CALN1: variants seen among roughly 807,000 people sequenced by gnomAD.
CALN1 encodes calneuron 1, also known as calcium-binding protein 8.
Under a neutral mutation model 30.6 loss-of-function variants are expected in CALN1, and 17 were observed. The ratio of observed to expected loss-of-function variants is 0.56; its 90% CI spans 0.38 to 0.83. CALN1 has a LOEUF of 0.83. Ranked by LOEUF, CALN1 falls within the 40% of genes least tolerant of loss-of-function variation. The pLI is 0.00. For missense variants in CALN1, 291 were observed against 354.9 expected (o/e 0.82, Z 1.45); for synonymous variants, 156 against 131.4 (o/e 1.19, Z -1.28).
chr7:72,286,872 A>T (rs1798115606), intron 2 of CALN1, among the ~76,000 whole-genome samples: 1 of 152,240 alleles, frequency 6.6e-6, no homozygotes, highest in Non-Finnish European at 1.5e-5. Flanking sequence ...AATTTTACAA[A>T]CTTTAACAAG....
upstream of CALN1, chr7:72,447,072 G>A (rs970411131): frequency 6.5e-6 from 1 of 154,904 alleles, no homozygotes; most frequent in African/African-American, 2.4e-5. Context: ...AATTCTCCAA[G>A]ATCCATGGCT....
intron 4 of CALN1, among the ~76,000 whole-genome samples, chr7:72,057,515 G>T (rs946646455): frequency 1.3e-5 from 2 of 149,730 alleles, no homozygotes; most frequent in East Asian, 4.0e-4. Context: ...AGTGAGAAAT[G>T]GAAAAGAATA....
intron 2 of CALN1, among the ~76,000 whole-genome samples, chr7:72,378,215 A>T (rs533810016): frequency 1.3e-5 from 2 of 152,260 alleles, no homozygotes; most frequent in East Asian, 3.9e-4. Context: ...GACAAGCTAA[A>T]ACAAATACTT....
chr7:71,943,493 C>A (rs1796241956), intron 5 of CALN1, among the ~76,000 whole-genome samples: 1 of 152,098 alleles, frequency 6.6e-6, no homozygotes, highest in Admixed American at 6.6e-5. Context: ...CAGGCTGGAG[C>A]ACAGTGGCAC....
intron 5 of CALN1, among the ~76,000 whole-genome samples, chr7:71,888,266 C>T (rs116593187): frequency 0.022 from 3,295 of 151,508 alleles, 128 homozygotes; most frequent in African/African-American, 0.075. Flanking sequence ...GAAAAACCAA[C>T]GGGCTGCTAA....
chr7:71,799,421 TTTTA>T (rs57965086), intron 6 of CALN1, among the ~76,000 whole-genome samples: 81,912 of 144,326 alleles, frequency 0.57, 26,650 homozygotes, highest in Non-Finnish European at 0.71. Context: ...CTCTGGGTCT[TTTTA>T]TTTATTTATT....
chr7:71,829,494 G>A (rs1427025092), intron 5 of CALN1, among the ~76,000 whole-genome samples: 1 of 152,206 alleles, frequency 6.6e-6, no homozygotes, highest in Non-Finnish European at 1.5e-5. Flanking sequence ...GAGCAACAGG[G>A]AATGAATAGA....
chr7:72,152,441 C>T (rs943278113), intron 3 of CALN1, among the ~76,000 whole-genome samples: 2 of 152,092 alleles, frequency 1.3e-5, no homozygotes, highest in African/African-American at 2.4e-5. Context: ...TTGCATGGTG[C>T]GAGAGAGCAA....
At chr7:72,421,221 C>T (rs1166872429) in intron 1 of CALN1, among the ~76,000 whole-genome samples, 3 of 152,156 alleles carry the variant, frequency 2.0e-5, no homozygotes, top group African/African-American at 7.2e-5. Context: ...GCACCCATCA[C>T]ATACTGTACC....
At chr7:71,922,606 AAC>A (rs1337901988) in intron 5 of CALN1, among the ~76,000 whole-genome samples, 3 of 141,060 alleles carry the variant, frequency 2.1e-5, no homozygotes, top group Non-Finnish European at 3.0e-5. Flanking sequence ...ATAAATATAT[AAC>A]ACACAGAATA....
At chr7:72,198,294 T>A (rs1224917098) in intron 3 of CALN1, among the ~76,000 whole-genome samples, 1 of 152,234 alleles carries the variant, frequency 6.6e-6, no homozygotes, top group African/African-American at 2.4e-5. Flanking sequence ...TAAAAAACTA[T>A]ACACCTTCAT....
chr7:72,320,396 A>G (rs981244387), intron 2 of CALN1, among the ~76,000 whole-genome samples: 4 of 152,170 alleles, frequency 2.6e-5, no homozygotes, highest in African/African-American at 9.6e-5. Context: ...CCAGGTGCAC[A>G]TGCTCCCGGA....
chr7:72,105,022 T>C lies in CALN1; in HGVS notation c.388+1129A>G, dbSNP rs368289737. ...TGAAAATAAGATAAAAATGTTAAAA[T>C]AGACCTGTCATGAAAAAAAAAAAAG... On this transcript the variant is annotated intron_variant, in intron 4 of 6. Coordinates refer to ENST00000395275, the MANE Select transcript of CALN1 (RefSeq NM_031468.4). 4.0e-4 allele frequency among the ~76,000 whole-genome samples: 60 copies of C among 150,774 alleles called. 2 individuals carry two copies. The South Asian group carries it at 0.012, about 31-fold the overall frequency.
At chr7:72,411,806 A>G (rs761242489) in intron 1 of CALN1, among the ~76,000 whole-genome samples, 19 of 152,342 alleles carry the variant, frequency 1.2e-4, no homozygotes, top group East Asian at 5.8e-4. Flanking sequence ...TTTTAAAGTA[A>G]TAAGAAAAGA....
chr7:72,185,102 G>C (rs753524399), intron 3 of CALN1, among the ~76,000 whole-genome samples: 1 of 152,066 alleles, frequency 6.6e-6, no homozygotes, highest in Non-Finnish European at 1.5e-5. Context: ...ACCACACCCA[G>C]CTTAGGCATC....
At chr7:71,938,914 A>T (rs1245484133) in intron 5 of CALN1, among the ~76,000 whole-genome samples, 1 of 152,108 alleles carries the variant, frequency 6.6e-6, no homozygotes, top group Non-Finnish European at 1.5e-5. Flanking sequence ...ACGGACAAAC[A>T]TCTGCACTAA....
intron 3 of CALN1, among the ~76,000 whole-genome samples, chr7:72,174,824 T>G (rs1337246713): frequency 2.0e-5 from 3 of 152,130 alleles, no homozygotes; most frequent in Non-Finnish European, 2.9e-5. Flanking sequence ...GTCTCTTTAT[T>G]GGGTGGTAGT....
At chr7:71,850,516 C>T (rs1218937166) in intron 5 of CALN1, among the ~76,000 whole-genome samples, 2 of 152,188 alleles carry the variant, frequency 1.3e-5, no homozygotes, top group Non-Finnish European at 2.9e-5. Context: ...CTGTGCCAGC[C>T]TGACATTCTC....
At chr7:72,044,947 T>C (rs1379134426) in intron 4 of CALN1, among the ~76,000 whole-genome samples, 1 of 152,136 alleles carries the variant, frequency 6.6e-6, no homozygotes, top group Non-Finnish European at 1.5e-5. Flanking sequence ...ATCTGAAATA[T>C]GTTAGGCATT....
Sources: allele counts gnomAD v4.1 joint callset (sites outside exome capture counted in the v4.1 genomes callset), GRCh38; gene constraint gnomAD v4.1.1; transcripts MANE v1.5; gene names NCBI Gene and HGNC (gene_info 2026-07-23, HGNC 2026-07-21).